ELAVL2: variants seen among roughly 807,000 people sequenced by gnomAD.
ELAVL2 encodes ELAV like RNA binding protein 2.
Under a neutral mutation model 34.6 loss-of-function variants are expected in ELAVL2, and 4 were observed. The observed-to-expected ratio is 0.12, with a 90% CI of 0.06 to 0.26. The LOEUF is 0.26. Ranked by LOEUF, ELAVL2 falls within the 10% of genes least tolerant of loss-of-function variation. ELAVL2 has a pLI of 1.00. For missense variants in ELAVL2, 432 were observed against 442.8 expected (o/e 0.98, Z 0.22); for synonymous variants, 193 against 154.8 (o/e 1.25, Z -1.83).
chr9:23,703,667 A>T lies in ELAVL2; in HGVS notation c.487+1251T>A, dbSNP rs532028227. Among the ~76,000 whole-genome samples, 894 of 152,292 alleles carry T rather than the reference A, an allele frequency of 5.9e-3. 8 individuals are homozygous for T. Among genetic ancestry groups the T allele is most frequent in the Admixed American group, 0.014 (215 of 15,298 alleles). ...CTTGATGAATGAAAAATCTGGCTCAATTTTCTTCTGAAGTCACTGCTTTAA... is the reference window on the plus strand; with the variant it reads ...CTTGATGAATGAAAAATCTGGCTCATTTTTCTTCTGAAGTCACTGCTTTAA... On this transcript the variant is annotated intron_variant, in intron 4 of 6. Coordinates refer to ENST00000397312, the MANE Select transcript of ELAVL2 (RefSeq NM_004432.5).
In ELAVL2 at chr9:23,753,775, C is replaced by T. The variant is rs576668389; in HGVS notation, c.229+8231G>A. Among the ~76,000 whole-genome samples, 394 of 152,170 alleles carry T rather than the reference C, an allele frequency of 2.6e-3. 1 individual carries two copies. The highest frequency in any genetic ancestry group is 4.3e-3 in the Non-Finnish European group (292 of 67,996). ...CCTGATGCAAAGTAAACAAAGACTA[C>T]CCCCCAGAAAAGGTCTGGAATAGCA... On this transcript the variant is annotated intron_variant, in intron 2 of 6. Transcript: ENST00000397312.
At chr9:23,715,857 A>T (rs1002690884) in intron 3 of ELAVL2, among the ~76,000 whole-genome samples, 1 of 152,084 alleles carries the variant, frequency 6.6e-6, no homozygotes, top group Non-Finnish European at 1.5e-5. Context: ...TTAGAATAAA[A>T]AACAACCAGT....
At chr9:23,764,248 G>A (rs1202395534) in intron 1 of ELAVL2, among the ~76,000 whole-genome samples, 5 of 152,072 alleles carry the variant, frequency 3.3e-5, no homozygotes, top group Admixed American at 1.3e-4. Context: ...TGGGAGATTC[G>A]GACTAAAGCT....
At chr9:23,820,173 C>A (rs897749147) in intron 1 of ELAVL2, among the ~76,000 whole-genome samples, 3 of 152,144 alleles carry the variant, frequency 2.0e-5, no homozygotes, top group African/African-American at 7.2e-5. Context: ...TCAAGGGCAA[C>A]AAAACAATAT....
At chr9:23,794,761 T>C (rs889437336) in intron 1 of ELAVL2, among the ~76,000 whole-genome samples, 3 of 152,156 alleles carry the variant, frequency 2.0e-5, no homozygotes, top group African/African-American at 7.2e-5. Context: ...CACCAACCAC[T>C]TGGCAATGCT....
intron 2 of ELAVL2, among the ~76,000 whole-genome samples, chr9:23,743,128 A>G (rs2049674768): frequency 6.6e-6 from 1 of 152,174 alleles, no homozygotes; most frequent in Admixed American, 6.6e-5. Context: ...TCAGATGGGA[A>G]CCATGGCTAC....
intron 2 of ELAVL2, among the ~76,000 whole-genome samples, chr9:23,744,651 T>C (rs994221235): frequency 6.6e-6 from 1 of 152,090 alleles, no homozygotes; most frequent in East Asian, 1.9e-4. Context: ...GCAAGAGTAC[T>C]TTCTAGCAAG....
chr9:23,701,224 C>A (rs2037088391), intron 5 of ELAVL2, among the ~76,000 whole-genome samples, 155 bp downstream of exon 5: 1 of 152,216 alleles, frequency 6.6e-6, no homozygotes, highest in Admixed American at 6.5e-5. Flanking sequence ...CAAGTAGATT[C>A]TCTCTGTGCC....
intron 3 of ELAVL2, among the ~76,000 whole-genome samples, chr9:23,729,403 C>G (rs752827769): frequency 6.6e-6 from 1 of 152,164 alleles, no homozygotes; most frequent in East Asian, 1.9e-4. Flanking sequence ...CACGGTCTGA[C>G]GGTAACTGAA....
At chr9:23,763,502 T>TG (rs1429025959) in intron 1 of ELAVL2, among the ~76,000 whole-genome samples, 2 of 152,098 alleles carry the variant, frequency 1.3e-5, no homozygotes, top group Admixed American at 1.3e-4. Context: ...AATTCTGAAT[T>TG]GACGGGATGC....
intron 2 of ELAVL2, among the ~76,000 whole-genome samples, chr9:23,744,559 A>AT (rs1286929303): frequency 1.3e-5 from 2 of 152,132 alleles, no homozygotes; most frequent in African/African-American, 4.8e-5. Flanking sequence ...AATATAACCT[A>AT]TTAAGTGCTT....
At chr9:23,704,793 A>G (rs1456676877) in intron 4 of ELAVL2, 125 bp downstream of exon 4, 12 of 1,253,410 alleles carry the variant, frequency 9.6e-6, no homozygotes, top group African/African-American at 1.5e-5. Flanking sequence ...AGAAAATTGC[A>G]TTTTCTGGCC....
At chr9:23,780,969 C>A (rs996433809) in intron 1 of ELAVL2, among the ~76,000 whole-genome samples, 1 of 152,110 alleles carries the variant, frequency 6.6e-6, no homozygotes, top group Admixed American at 6.5e-5. Context: ...GAAAAAAAGA[C>A]TAGAACGAAG....
chr9:23,816,079 C>CAAA (rs1316402450), intron 1 of ELAVL2, among the ~76,000 whole-genome samples: 1 of 151,942 alleles, frequency 6.6e-6, no homozygotes, highest in Non-Finnish European at 1.5e-5. Context: ...TTCCAAAGTG[C>CAAA]AAAATACTAA....
intron 2 of ELAVL2, among the ~76,000 whole-genome samples, chr9:23,738,322 G>T (rs1009487748): frequency 6.6e-6 from 1 of 152,214 alleles, no homozygotes; most frequent in East Asian, 1.9e-4. Context: ...GACTTAGCCT[G>T]AGTCTCCTCA....
At chr9:23,784,073 C>T (rs1044608648) in intron 1 of ELAVL2, among the ~76,000 whole-genome samples, 4 of 152,076 alleles carry the variant, frequency 2.6e-5, no homozygotes, top group Admixed American at 6.5e-5. Flanking sequence ...TGGCGGGCGC[C>T]TGTAATCCCA....
intron 3 of ELAVL2, among the ~76,000 whole-genome samples, chr9:23,715,567 T>C (rs1311467343): frequency 1.3e-5 from 2 of 152,168 alleles, no homozygotes; most frequent in African/African-American, 2.4e-5. Flanking sequence ...TTGCAGAAAA[T>C]CAGATATATT....
chr9:23,780,638 ATTT>A (rs940527341), intron 1 of ELAVL2, among the ~76,000 whole-genome samples: 32 of 152,308 alleles, frequency 2.1e-4, no homozygotes, highest in African/African-American at 7.5e-4. Context: ...AAATAAGAGT[ATTT>A]GGTCTAAACT....
chr9:23,832,476 CA>C, the ELAVL2 span, among the ~76,000 whole-genome samples: 1 of 152,062 alleles, frequency 6.6e-6, no homozygotes, highest in Non-Finnish European at 1.5e-5. Context: ...ATTTTTTTCA[CA>C]AATATTTAAT....
Sources: gnomAD v4.1 joint callset for allele counts (sites outside exome capture counted in the v4.1 genomes callset) on GRCh38, gnomAD v4.1.1 for gene constraint, MANE v1.5 for transcripts, NCBI Gene and HGNC (gene_info 2026-07-23, HGNC 2026-07-21) for gene names.